GALNT2: variants seen among roughly 807,000 people sequenced by gnomAD.
GALNT2 encodes the protein polypeptide N-acetylgalactosaminyltransferase 2.
Under a neutral mutation model 81.4 loss-of-function variants are expected in GALNT2, and 31 were observed. The observed-to-expected ratio is 0.38, with a 90% confidence interval of 0.29 to 0.51. The LOEUF is 0.51. GALNT2 is among the 20% of genes least tolerant of loss of function. The pLI, the probability that GALNT2 is intolerant of heterozygous loss-of-function variation, is 0.87. For synonymous variants in GALNT2, 303 were observed against 287.4 expected (o/e 1.05, Z -0.55); for missense variants, 629 against 765.7 (o/e 0.82, Z 2.11).
intron 2 of GALNT2, among the ~76,000 whole-genome samples, chr1:230,187,009 A>G (rs1033220826): frequency 1.3e-5 from 2 of 152,224 alleles, no homozygotes; most frequent in Non-Finnish European, 2.9e-5. Flanking sequence ...ACCGCTGGCC[A>G]TGGCACTTCC....
At chr1:230,120,609 C>T (rs1660986964) in intron 1 of GALNT2, among the ~76,000 whole-genome samples, 1 of 152,202 alleles carries the variant, frequency 6.6e-6, no homozygotes, top group Non-Finnish European at 1.5e-5. Flanking sequence ...AATGGCTGCT[C>T]AGCTCCGATC....
chr1:230,190,003 A>G (rs1317006450), intron 2 of GALNT2, among the ~76,000 whole-genome samples: 1 of 152,176 alleles, frequency 6.6e-6, no homozygotes, highest in East Asian at 1.9e-4. Context: ...GCCCTGTGAT[A>G]CATGTCGTGT....
At chr1:230,242,992 A>G (rs754916287) in intron 6 of GALNT2, among the ~76,000 whole-genome samples, 5 of 152,206 alleles carry the variant, frequency 3.3e-5, no homozygotes, top group African/African-American at 4.8e-5. Flanking sequence ...TGTCAGAGGA[A>G]TGTAGTTATA....
chr1:230,276,329 G>A (rs548001006), intron 15 of GALNT2, among the ~76,000 whole-genome samples: 17 of 152,056 alleles, frequency 1.1e-4, no homozygotes, highest in Non-Finnish European at 2.4e-4. Flanking sequence ...AGAAATGCAA[G>A]CACAAAAGGT....
At chr1:230,240,347 A>G (rs1204734656) in intron 6 of GALNT2, among the ~76,000 whole-genome samples, 1 of 152,234 alleles carries the variant, frequency 6.6e-6, no homozygotes, top group African/African-American at 2.4e-5. Context: ...TAATCCCAGC[A>G]CTTTGGGAGG....
chr1:230,262,134 C>T (rs532109573), intron 11 of GALNT2: 16 of 160,858 alleles, frequency 9.9e-5, no homozygotes, highest in African/African-American at 3.3e-4. Flanking sequence ...CTGATAGTGT[C>T]GTAGCCGTGA....
rs933700891 is a variant in GALNT2 at position 230,104,866 on chromosome 1, G to C, written c.126+37460G>C. Among the ~76,000 whole-genome samples the C allele has an allele frequency of 4.0e-5, 6 of 151,656 alleles. No individual in the cohort carries two copies. In the Middle Eastern group the frequency reaches 0.01, roughly 260 times the overall value. On this transcript the variant is annotated intron_variant, in intron 1 of 15. Transcript: ENST00000366672. ...GCCAGGCTGAGTCACAGCTGACTTA[G>C]GGAAATGCCACACAGGACGCTTGCA...
intron 2 of GALNT2, among the ~76,000 whole-genome samples, chr1:230,178,992 A>G (rs1291704162): frequency 2.0e-5 from 3 of 151,906 alleles, no homozygotes; most frequent in Non-Finnish European, 2.9e-5. Flanking sequence ...TTGCTTTTCT[A>G]GAATGTCAGG....
intron 1 of GALNT2, among the ~76,000 whole-genome samples, chr1:230,143,287 G>A (rs1216412739): frequency 2.6e-5 from 4 of 152,306 alleles, no homozygotes; most frequent in East Asian, 1.9e-4. Context: ...AGGGGAATCC[G>A]CAGCCTGAGA....
chr1:230,201,038 G>A (rs1001582138), intron 2 of GALNT2, among the ~76,000 whole-genome samples: 16 of 152,178 alleles, frequency 1.1e-4, no homozygotes, highest in Admixed American at 5.2e-4. Context: ...GCTCTTGAGC[G>A]CAGGTAGGTG....
chr1:230,067,894 G>C lies in GALNT2; in HGVS notation c.126+488G>C, dbSNP rs1414030373. On this transcript the variant is annotated intron_variant, in intron 1 of 15. Coordinates refer to ENST00000366672, the MANE Select transcript of GALNT2 (RefSeq NM_004481.5). ...CTTTCCCCCTGTCACTCCGCGGGGC[G>C]TGGGTTCCGTGTTTCTGCCACCTTC... 5.3e-5 allele frequency among the ~76,000 whole-genome samples: 8 copies of C among 152,350 alleles called. No individual in the cohort carries two copies. The East Asian group carries it at 1.5e-3, about 29-fold the overall frequency.
intron 3 of GALNT2, among the ~76,000 whole-genome samples, chr1:230,228,674 G>A (rs944795236): frequency 3.3e-5 from 5 of 151,910 alleles, no homozygotes; most frequent in Non-Finnish European, 7.4e-5. Context: ...CCCATACCAC[G>A]CTGCTTTAAT....
chr1:230,256,769 T>G, intron 11 of GALNT2, among the ~76,000 whole-genome samples: 1 of 152,202 alleles, frequency 6.6e-6, no homozygotes, highest in East Asian at 1.9e-4. Flanking sequence ...TCAGGGAGAT[T>G]GCCTTCTCTT....
chr1:230,272,843 A>T (rs1666190535), intron 14 of GALNT2, among the ~76,000 whole-genome samples: 1 of 152,112 alleles, frequency 6.6e-6, no homozygotes, highest in South Asian at 2.1e-4. Flanking sequence ...ATCACAGTTC[A>T]CTGCAGCCTC....
chr1:230,130,801 A>G (rs1571997935), intron 1 of GALNT2, among the ~76,000 whole-genome samples: 2 of 151,896 alleles, frequency 1.3e-5, no homozygotes, highest in Non-Finnish European at 1.5e-5. Context: ...CACTTTAATG[A>G]GTTTATGGGA....
At chr1:230,201,829 A>G (rs1207493850) in intron 2 of GALNT2, among the ~76,000 whole-genome samples, 1 of 152,102 alleles carries the variant, frequency 6.6e-6, no homozygotes, top group Non-Finnish European at 1.5e-5. Context: ...TTGCATGCCC[A>G]CACCCTGCCT....
chr1:230,083,916 A>G (rs1473680035), intron 1 of GALNT2, among the ~76,000 whole-genome samples: 1 of 152,152 alleles, frequency 6.6e-6, no homozygotes, highest in Non-Finnish European at 1.5e-5. Context: ...AGCTGAAGGA[A>G]ATGGTGCCTG....
At position 230,243,303 on chromosome 1, in the gene GALNT2, C is replaced by T; in HGVS notation, c.608-3C>T. ...TGACGTGCTTTCCAACTCGCCTCTG[C>T]AGGCCTCATGCGCTCACGGGTTCGG... On this transcript the variant is annotated splice_polypyrimidine_tract_variant and splice_region_variant and intron_variant, in intron 6 of 15. Coordinates refer to ENST00000366672, the MANE Select transcript of GALNT2 (RefSeq NM_004481.5). This position sits in a 1 kb window ranked among gnomAD's most constrained non-coding sequence, Gnocchi z 4.2. 1.3e-6 allele frequency: 2 copies of T among 1,599,850 alleles called. No homozygotes were observed. The highest frequency in any genetic ancestry group is 1.1e-5 in the South Asian group (1 of 90,276).
intron 6 of GALNT2, among the ~76,000 whole-genome samples, chr1:230,239,928 T>C (rs181427866): frequency 6.6e-6 from 1 of 152,350 alleles, no homozygotes; most frequent in East Asian, 1.9e-4. Flanking sequence ...AATTTAAGAA[T>C]TTTACAATAG....
Sources: allele counts gnomAD v4.1 joint callset (sites outside exome capture counted in the v4.1 genomes callset), GRCh38; gene constraint gnomAD v4.1.1; non-coding constraint Gnocchi (gnomAD v3.1); transcripts MANE v1.5; gene names NCBI Gene and HGNC (gene_info 2026-07-23, HGNC 2026-07-21).